The following NOX4 variants were observed in gnomAD, a reference collection of about 807,000 sequenced individuals.
NOX4 encodes the protein NADPH oxidase 4.
In NOX4, 69 loss-of-function variants were observed where a neutral mutation model predicts 87.6. The observed-to-expected ratio is 0.79, with a 90% confidence interval of 0.65 to 0.96. The LOEUF (loss-of-function observed/expected upper bound fraction) is 0.96. Ranked by LOEUF, NOX4 falls within the 40% of genes least tolerant of loss-of-function variation. The pLI, the probability that NOX4 is intolerant of heterozygous loss-of-function variation, is 0.00. For missense variants in NOX4, 680 were observed against 681.5 expected, an observed-to-expected ratio of 1.00 and a Z score of 0.02; for synonymous variants, 275 against 238.2, an observed-to-expected ratio of 1.15 and a Z score of -1.42.
chr11:89,565,391 C>T, the NOX4 span, among the ~76,000 whole-genome samples: 1 of 152,114 alleles, frequency 6.6e-6, no homozygotes, highest in South Asian at 2.1e-4. Flanking sequence ...GATAACTCAT[C>T]TGTACATTCA....
At chr11:89,368,397 A>C (rs928159790) in intron 12 of NOX4, among the ~76,000 whole-genome samples, 1 of 152,116 alleles carries the variant, frequency 6.6e-6, no homozygotes, top group African/African-American at 2.4e-5. Flanking sequence ...ACAGAAATTT[A>C]TTTATCACAG....
At position 89,392,434 on chromosome 11, in the gene NOX4, CTT is replaced by C. The variant is rs1484364364; in HGVS notation, c.1074+7581_1074+7582del. ...CTTCCGTGAGGTGAGGAAAAGCTCT[CTT>C]GTCTTTTTTCACCAACCCAAACACA... On this transcript the variant is annotated intron_variant, in intron 11 of 17. Coordinates refer to ENST00000263317, the MANE Select transcript of NOX4 (RefSeq NM_016931.5). 3.9e-5 allele frequency among the ~76,000 whole-genome samples: 6 copies of C among 152,150 alleles called. No homozygotes were observed. In the East Asian group the frequency reaches 5.8e-4, roughly 15 times the overall value.
chr11:89,513,583 A>T, the NOX4 span, among the ~76,000 whole-genome samples: 1 of 152,074 alleles, frequency 6.6e-6, no homozygotes, highest in Admixed American at 6.6e-5. Flanking sequence ...CTCCAGAAGA[A>T]ATGCAGATTA....
the NOX4 span, among the ~76,000 whole-genome samples, chr11:89,513,902 T>C: frequency 1.3e-5 from 2 of 151,944 alleles, no homozygotes; most frequent in Admixed American, 1.3e-4. Context: ...ATTTATGGGG[T>C]TACAATTTAT....
At chr11:89,410,898 A>T (rs1485805332) in intron 8 of NOX4, among the ~76,000 whole-genome samples, 3 of 152,162 alleles carry the variant, frequency 2.0e-5, no homozygotes, top group Non-Finnish European at 4.4e-5. Flanking sequence ...AGAGCAGCCA[A>T]GAGAGTGCTT....
chr11:89,539,495 T>C, the NOX4 span, among the ~76,000 whole-genome samples: 3 of 152,108 alleles, frequency 2.0e-5, no homozygotes, highest in Non-Finnish European at 4.4e-5. Flanking sequence ...GTTTATGGGA[T>C]TTTTGTTATG....
At chr11:89,434,959 AG>A (rs1191274825) in intron 6 of NOX4, among the ~76,000 whole-genome samples, 2 of 151,978 alleles carry the variant, frequency 1.3e-5, no homozygotes, top group East Asian at 3.9e-4. Flanking sequence ...AGTTGCTAGG[AG>A]GGGTAGAGGG....
intron 12 of NOX4, among the ~76,000 whole-genome samples, chr11:89,358,235 A>C (rs550633658): frequency 6.7e-4 from 101 of 151,826 alleles, no homozygotes; most frequent in African/African-American, 2.4e-3. Context: ...AAATACAAAA[A>C]ATTAGTCGGG....
chr11:89,353,794 T>C (rs1937763880), intron 13 of NOX4, among the ~76,000 whole-genome samples: 1 of 152,182 alleles, frequency 6.6e-6, no homozygotes, highest in African/African-American at 2.4e-5. Context: ...ACAGCCACTG[T>C]AAGTAAAAAT....
chr11:89,355,345 T>C (rs1937957631), intron 12 of NOX4, among the ~76,000 whole-genome samples: 2 of 148,208 alleles, frequency 1.3e-5, no homozygotes, highest in Non-Finnish European at 3.0e-5. Context: ...TTTAAATATA[T>C]AAAATTAAGC....
the NOX4 span, among the ~76,000 whole-genome samples, chr11:89,537,801 A>C: frequency 6.6e-6 from 1 of 152,250 alleles, no homozygotes; most frequent in Middle Eastern, 3.4e-3. Flanking sequence ...CTTTGTCCAG[A>C]TTTTTAACAC....
intron 14 of NOX4, among the ~76,000 whole-genome samples, chr11:89,341,224 G>A (rs964668757): frequency 6.8e-6 from 1 of 146,800 alleles, no homozygotes; most frequent in Non-Finnish European, 1.5e-5. Flanking sequence ...CCAGGTTCAA[G>A]AGATTCTCAT....
Position 89,337,441 on chromosome 11 carries a change from A to G in NOX4, c.1515+6T>C. On this transcript the variant is annotated splice_donor_region_variant and intron_variant, in intron 16 of 17. Coordinates refer to ENST00000263317, the MANE Select transcript of NOX4 (RefSeq NM_016931.5). ...TGTTTAATTTACGATAACATCAACC[A>G]CATACCTGTATCCCATCTGTTTGAC... 6.2e-7 allele frequency: 1 copy of G among 1,611,874 alleles called. No individual in the cohort carries two copies. Among genetic ancestry groups the G allele is most frequent in the Middle Eastern group, 1.7e-4 (1 of 6,034 alleles).
At chr11:89,368,958 T>C (rs1034734344) in intron 12 of NOX4, among the ~76,000 whole-genome samples, 9 of 152,264 alleles carry the variant, frequency 5.9e-5, no homozygotes, top group Admixed American at 5.2e-4. Context: ...AGATATAAAA[T>C]ACTCTCTTAC....
At chr11:89,525,482 G>C in the NOX4 span, among the ~76,000 whole-genome samples, 1 of 151,876 alleles carries the variant, frequency 6.6e-6, no homozygotes, top group Non-Finnish European at 1.5e-5. Context: ...CACTGAAGTT[G>C]AGCACTTTTT....
intron 2 of NOX4, among the ~76,000 whole-genome samples, chr11:89,486,284 TAAATA>T (rs1431038414): frequency 6.7e-6 from 1 of 148,298 alleles, no homozygotes; most frequent in Admixed American, 6.8e-5. Context: ...AATAAATAAA[TAAATA>T]AATTTATTTA....
chr11:89,446,495 A>C (rs1944716183), intron 4 of NOX4, among the ~76,000 whole-genome samples: 1 of 152,104 alleles, frequency 6.6e-6, no homozygotes, highest in South Asian at 2.1e-4. Flanking sequence ...AGATAAAAAA[A>C]AAACTGTGGT....
chr11:89,541,444 T>C, the NOX4 span, among the ~76,000 whole-genome samples: 1 of 152,156 alleles, frequency 6.6e-6, no homozygotes, highest in Non-Finnish European at 1.5e-5. Flanking sequence ...AATGCCAACA[T>C]ATGTTTTAGA....
chr11:89,433,877 A>T (rs1943945675), intron 6 of NOX4, among the ~76,000 whole-genome samples: 1 of 152,114 alleles, frequency 6.6e-6, no homozygotes, highest in African/African-American at 2.4e-5. Flanking sequence ...CTGAAAAACA[A>T]TATCCTAAAC....
Sources: gnomAD v4.1 joint callset for allele counts (sites outside exome capture counted in the v4.1 genomes callset) on GRCh38, gnomAD v4.1.1 for gene constraint, MANE v1.5 for transcripts, NCBI Gene and HGNC (gene_info 2026-07-23, HGNC 2026-07-21) for gene names.